Variants in VSTM2L observed in about 807,000 individuals in gnomAD.
VSTM2L encodes V-set and transmembrane domain-containing protein 2-like protein.
A neutral mutation model predicts 19.9 loss-of-function variants in VSTM2L; 9 were observed. That is an observed-to-expected ratio of 0.45 (90% CI 0.27 to 0.79). The LOEUF is 0.79. Ranked by LOEUF, VSTM2L falls within the 30% of genes least tolerant of loss-of-function variation. The pLI is 0.15. For missense variants in VSTM2L, 286 were observed against 295.5 expected, an observed-to-expected ratio of 0.97 and a Z score of 0.24; for synonymous variants, 127 against 133.8, an observed-to-expected ratio of 0.95 and a Z score of 0.35.
chr20:37,944,322 C>A lies in VSTM2L; in HGVS notation c.*69C>A. 7.4e-7 allele frequency: 1 copy of A among 1,348,166 alleles called. No homozygotes were observed. The highest frequency in any genetic ancestry group is 9.7e-7 in the Non-Finnish European group (1 of 1,035,384). The allele number at this position is 1,348,166 out of a possible 1,614,324, so 83.5% of individuals were successfully genotyped here. A position where few individuals can be genotyped will look rare whatever the true frequency, so the allele number is the denominator to read the frequency against. On this transcript the variant is annotated 3_prime_UTR_variant, in exon 4 of 4. Transcript: ENST00000373461. The stretch of plus-strand genomic sequence containing the variant: ...AGTGCATGAGGAGCCGCCGGACCAC[C>A]GGGGACCGACTGCCTGCGTCCAGCC...
intron 2 of VSTM2L, 80 bp downstream of exon 2, chr20:37,931,884 C>T: frequency 1.4e-6 from 2 of 1,443,344 alleles, no homozygotes; most frequent in Non-Finnish European, 1.9e-6. Context: ...TGCCCCTCTT[C>T]TCCTCTGAGG....
chr20:37,931,559 A>G (rs1568840900), intron 1 of VSTM2L, 76 bp from the exon 2 acceptor site: 1 of 1,504,326 alleles, frequency 6.6e-7, no homozygotes, highest in Non-Finnish European at 9.0e-7. Context: ...AGCTGTTCCT[A>G]CGTTCTCCAC....
chr20:37,927,717 G>A (rs947787684), intron 1 of VSTM2L, among the ~76,000 whole-genome samples: 1 of 152,170 alleles, frequency 6.6e-6, no homozygotes, highest in East Asian at 1.9e-4. Context: ...CGGGGGGGCC[G>A]TGGGCAGGAG....
At chr20:37,915,729 AGGGGCT>A (rs1236675979) in intron 1 of VSTM2L, among the ~76,000 whole-genome samples, 2 of 146,062 alleles carry the variant, frequency 1.4e-5, no homozygotes, top group East Asian at 4.4e-4. Flanking sequence ...CAGGGGTGGC[AGGGGCT>A]GGGGCTGGGG....
chr20:37,938,839 C>T (rs1257246713), intron 3 of VSTM2L, among the ~76,000 whole-genome samples: 2 of 152,152 alleles, frequency 1.3e-5, no homozygotes, highest in Non-Finnish European at 2.9e-5. Context: ...TGAAATCCAA[C>T]GGGCTGCTCC....
intron 3 of VSTM2L, among the ~76,000 whole-genome samples, chr20:37,937,365 T>G (rs184969244): frequency 6.6e-6 from 1 of 152,106 alleles, no homozygotes; most frequent in Non-Finnish European, 1.5e-5. Context: ...CCTAAAAATA[T>G]CTCCCTTGGT....
chr20:37,926,243 G>A (rs975549367), intron 1 of VSTM2L, among the ~76,000 whole-genome samples: 22 of 152,118 alleles, frequency 1.4e-4, no homozygotes, highest in African/African-American at 4.8e-4. Context: ...TGTATTTTTG[G>A]TAGAGACGAG....
At chr20:37,932,442 G>A (rs1444185451) in intron 2 of VSTM2L, among the ~76,000 whole-genome samples, 2 of 151,996 alleles carry the variant, frequency 1.3e-5, no homozygotes, top group African/African-American at 4.8e-5. Context: ...GAGCCTGCTG[G>A]CCATCAAGGC....
intron 1 of VSTM2L, among the ~76,000 whole-genome samples, chr20:37,911,660 C>T (rs2072780638): frequency 6.6e-6 from 1 of 152,102 alleles, no homozygotes; most frequent in South Asian, 2.1e-4. Context: ...TCTTAAAGTG[C>T]CAGGATGGGG....
At chr20:37,939,845 A>C (rs528154927) in intron 3 of VSTM2L, among the ~76,000 whole-genome samples, 3 of 152,350 alleles carry the variant, frequency 2.0e-5, no homozygotes, top group East Asian at 3.9e-4. Flanking sequence ...TGTCACGGTC[A>C]GCGCCTGGCC....
At chr20:37,904,601 A>G (rs562151345) in intron 1 of VSTM2L, among the ~76,000 whole-genome samples, 31 of 152,332 alleles carry the variant, frequency 2.0e-4, no homozygotes, top group African/African-American at 7.0e-4. Flanking sequence ...GCAGCCCTTC[A>G]CTAGACAGGC....
chr20:37,903,562 G>T (rs2072733978), intron 1 of VSTM2L, 91 bp downstream of exon 1: 2 of 1,317,166 alleles, frequency 1.5e-6, no homozygotes, highest in African/African-American at 1.5e-5. Flanking sequence ...GCTCGAACCG[G>T]CGCCAGTCGT....
intron 3 of VSTM2L, among the ~76,000 whole-genome samples, chr20:37,940,179 C>T (rs1019594980): frequency 7.9e-5 from 12 of 152,228 alleles, no homozygotes; most frequent in African/African-American, 9.7e-5. Context: ...AATTCGCTCC[C>T]GCTGCGCATT....
At chr20:37,941,983 C>A (rs1458135560) in intron 3 of VSTM2L, among the ~76,000 whole-genome samples, 1 of 151,840 alleles carries the variant, frequency 6.6e-6, no homozygotes, top group East Asian at 1.9e-4. Context: ...TACCCATCAG[C>A]CAGCTTCCCC....
At chr20:37,926,430 T>C (rs556276493) in intron 1 of VSTM2L, among the ~76,000 whole-genome samples, 89 of 152,180 alleles carry the variant, frequency 5.8e-4, no homozygotes, top group Admixed American at 3.4e-3. Flanking sequence ...ATCCCAGCAC[T>C]GTAATCCCAG....
At chr20:37,929,691 A>G (rs1271058728) in intron 1 of VSTM2L, among the ~76,000 whole-genome samples, 1 of 152,060 alleles carries the variant, frequency 6.6e-6, no homozygotes, top group Admixed American at 6.5e-5. Flanking sequence ...GTGAGAGAGG[A>G]TGGCAGCTTG....
chr20:37,925,070 C>A (rs573003135), intron 1 of VSTM2L, among the ~76,000 whole-genome samples: 1 of 152,262 alleles, frequency 6.6e-6, no homozygotes, highest in Non-Finnish European at 1.5e-5. Flanking sequence ...GTGTTAGAGA[C>A]AATGTCTGCA....
chr20:37,922,549 T>C (rs1270343389), intron 1 of VSTM2L, among the ~76,000 whole-genome samples: 1 of 152,066 alleles, frequency 6.6e-6, no homozygotes, highest in Non-Finnish European at 1.5e-5. Flanking sequence ...TTGGTTTTCC[T>C]GAATAGAGCT....
Position 37,945,089 on chromosome 20 carries a change from G to A in VSTM2L, c.*836G>A. On this transcript the variant is annotated 3_prime_UTR_variant, in exon 4 of 4. Transcript: ENST00000373461. ...GTGCCAAGTCCGCCCCAGGGCCTGG[G>A]GCTGTTGGGAGCCAAGGGCCCCCTG... The A allele has an allele frequency of 3.0e-6, 3 of 985,766 alleles. No individual in the cohort carries two copies. Among genetic ancestry groups the A allele is most frequent in the Non-Finnish European group, 3.6e-6 (3 of 829,918 alleles). The allele number at this position is 985,766 out of a possible 1,614,324, so 61.1% of individuals were successfully genotyped here. A position where few individuals can be genotyped will look rare whatever the true frequency, so the allele number is the denominator to read the frequency against.
Sources: allele counts gnomAD v4.1 joint callset (sites outside exome capture counted in the v4.1 genomes callset), GRCh38; gene constraint gnomAD v4.1.1; transcripts MANE v1.5; gene names NCBI Gene and HGNC (gene_info 2026-07-23, HGNC 2026-07-21).